The following MIB1 variants were observed in gnomAD, a reference collection of about 807,000 sequenced individuals.
MIB1 encodes the protein E3 ubiquitin-protein ligase MIB1.
In MIB1, 278 loss-of-function variants were observed where a neutral mutation model predicts 124.5. The ratio of observed to expected loss-of-function variants is 2.23; its 90% CI spans 2.02 to 2.47. The LOEUF (loss-of-function observed/expected upper bound fraction) is 2.47. MIB1 is among the 30% of genes most tolerant of loss of function. The pLI is 0.00. For missense variants in MIB1, 957 were observed against 1,254.4 expected (o/e 0.76, Z 3.58); for synonymous variants, 446 against 429.4 (o/e 1.04, Z -0.48).
At position 21,844,077 on chromosome 18, in the gene MIB1, A is replaced by C. The variant is rs373738054; in HGVS notation, c.2050-15A>C. ...TGTGGACACTTTGCCAAAATGAGAC[A>C]TCTTTCTCTTTTAGCTTTTGGTCCG... On this transcript the variant is annotated splice_polypyrimidine_tract_variant and intron_variant, in intron 14 of 20. Coordinates refer to ENST00000261537, the MANE Select transcript of MIB1 (RefSeq NM_020774.4). The C allele has an allele frequency of 5.4e-5, 87 of 1,612,508 alleles. No homozygotes were observed. The highest frequency in any genetic ancestry group is 6.4e-5 in the Non-Finnish European group (76 of 1,179,372).
rs1416715396 is a variant in MIB1, at chr18:21,843,228, G to A, written c.2049+11G>A. On this transcript the variant is annotated intron_variant, in intron 14 of 20. Coordinates refer to ENST00000261537, the MANE Select transcript of MIB1 (RefSeq NM_020774.4). ...ACCCAGATTGTTAGGGTAAAGTATT[G>A]ACATACATTTTAGCTTATAATTACA... 2 of 1,545,072 alleles carry A rather than the reference G, an allele frequency of 1.3e-6. No homozygotes were observed. The highest frequency in any genetic ancestry group is 2.4e-5 in the East Asian group (1 of 42,170).
At position 21,865,526 on chromosome 18, in the gene MIB1, C is replaced by T. The variant is rs2042314214; in HGVS notation, c.*860C>T. ...GTGTACTTCCGGTTTTCTGTGATTA[C>T]TTATCTGGGCTTGATCTGACCAGTG... On this transcript the variant is annotated 3_prime_UTR_variant, in exon 21 of 21. Transcript: ENST00000261537. 1 of 152,542 alleles carries T rather than the reference C, an allele frequency of 6.6e-6. No individual in the cohort carries two copies. Among genetic ancestry groups the T allele is most frequent in the Non-Finnish European group, 1.5e-5 (1 of 68,010 alleles). The allele number at this position is 152,542 out of a possible 1,614,324, so 9.4% of individuals were successfully genotyped here.
intron 10 of MIB1, among the ~76,000 whole-genome samples, chr18:21,810,161 A>G (rs1458078191): frequency 2.0e-5 from 3 of 152,122 alleles, no homozygotes; most frequent in Non-Finnish European, 2.9e-5. Flanking sequence ...TAGCATAAGA[A>G]TAAAATACTT....
chr18:21,853,066 A>G, intron 17 of MIB1, 74 bp from the exon 18 acceptor site: 1 of 944,834 alleles, frequency 1.1e-6, no homozygotes, highest in Non-Finnish European at 1.7e-6. Context: ...ATACATTTGG[A>G]TATAATTGAA....
At chr18:21,766,167 CT>C (rs1389836322) in intron 2 of MIB1, among the ~76,000 whole-genome samples, 1 of 152,168 alleles carries the variant, frequency 6.6e-6, no homozygotes, top group East Asian at 1.9e-4. Context: ...CTGGGCTATT[CT>C]TTCTCTGGCT....
intron 1 of MIB1, among the ~76,000 whole-genome samples, chr18:21,724,996 G>A (rs1375636812): frequency 6.8e-6 from 1 of 147,494 alleles, no homozygotes; most frequent in Non-Finnish European, 1.5e-5. Flanking sequence ...TCGGGAGGCT[G>A]AGGCAGGAGA....
chr18:21,778,677 C>T (rs2041321580), intron 5 of MIB1, among the ~76,000 whole-genome samples: 1 of 152,130 alleles, frequency 6.6e-6, no homozygotes, highest in Non-Finnish European at 1.5e-5. Context: ...TTACCACACT[C>T]TCCTGATCTT....
At chr18:21,765,066 A>G (rs1242834411) in intron 1 of MIB1, among the ~76,000 whole-genome samples, 1 of 152,246 alleles carries the variant, frequency 6.6e-6, no homozygotes, top group Non-Finnish European at 1.5e-5. Flanking sequence ...CCTGAAAATG[A>G]AGGTTGTTTT....
intron 20 of MIB1, among the ~76,000 whole-genome samples, chr18:21,859,759 C>T (rs183269688): frequency 8.7e-4 from 132 of 151,552 alleles, no homozygotes; most frequent in African/African-American, 2.9e-3. Context: ...CATGGTGGCG[C>T]GCACCTGTAG....
chr18:21,818,274 T>C (rs935814117), intron 11 of MIB1, among the ~76,000 whole-genome samples: 38 of 152,294 alleles, frequency 2.5e-4, no homozygotes, highest in African/African-American at 8.7e-4. Flanking sequence ...CTCTTTTTTT[T>C]CCTCTGTACA....
intron 2 of MIB1, among the ~76,000 whole-genome samples, chr18:21,766,578 A>G (rs573135242): frequency 1.2e-4 from 19 of 152,308 alleles, no homozygotes; most frequent in Non-Finnish European, 2.2e-4. Context: ...GAATCCAGCC[A>G]GTCATAGGGA....
At chr18:21,806,544 G>A (rs766233146) in intron 10 of MIB1, among the ~76,000 whole-genome samples, 3 of 151,550 alleles carry the variant, frequency 2.0e-5, no homozygotes, top group Non-Finnish European at 4.4e-5. Context: ...CAAACAGTTA[G>A]TTAATACTAT....
chr18:21,744,217 C>T (rs1276569444), intron 1 of MIB1, among the ~76,000 whole-genome samples: 1 of 147,202 alleles, frequency 6.8e-6, no homozygotes, highest in East Asian at 2.1e-4. Flanking sequence ...ATTTAATAAT[C>T]AGTGTTCACT....
intron 1 of MIB1, among the ~76,000 whole-genome samples, chr18:21,729,242 TTGGTTAGTG>T (rs2040756834): frequency 2.0e-5 from 3 of 152,204 alleles, no homozygotes; most frequent in African/African-American, 7.2e-5. Flanking sequence ...AAATCTGGGC[TTGGTTAGTG>T]AGGAAGATGG....
chr18:21,840,659 ATATATATTTTTTT>A (rs1489371697), intron 13 of MIB1, among the ~76,000 whole-genome samples: 2 of 1,670 alleles, frequency 1.2e-3, no homozygotes, highest in African/African-American at 2.2e-3. Context: ...ATATATATAT[ATATATATTTTTTT>A]TTTTTTTTAA....
At chr18:21,731,880 C>T (rs938971950) in intron 1 of MIB1, among the ~76,000 whole-genome samples, 1 of 151,900 alleles carries the variant, frequency 6.6e-6, no homozygotes, top group African/African-American at 2.4e-5. Flanking sequence ...ACATAAGCTC[C>T]ATAAAGTTTA....
At chr18:21,778,907 A>G (rs2041325154) in intron 5 of MIB1, among the ~76,000 whole-genome samples, 1 of 152,134 alleles carries the variant, frequency 6.6e-6, no homozygotes, top group African/African-American at 2.4e-5. Flanking sequence ...CATAAGAAAA[A>G]TGCAAAATCA....
chr18:21,817,904 A>G, intron 11 of MIB1: 1 of 208,410 alleles, frequency 4.8e-6, no homozygotes, highest in Non-Finnish European at 9.9e-6. Flanking sequence ...GCTGTAGGCC[A>G]GGTTGTATAT....
chr18:21,717,211 G>T (rs1006651018), intron 1 of MIB1, among the ~76,000 whole-genome samples: 1 of 152,064 alleles, frequency 6.6e-6, no homozygotes, highest in Non-Finnish European at 1.5e-5. Context: ...AATGAAACTG[G>T]ACCCTCATCT....
Sources: gnomAD v4.1 joint callset for allele counts (sites outside exome capture counted in the v4.1 genomes callset) on GRCh38, gnomAD v4.1.1 for gene constraint, MANE v1.5 for transcripts, NCBI Gene and HGNC (gene_info 2026-07-23, HGNC 2026-07-21) for gene names.